NTM: variants seen among roughly 807,000 people sequenced by gnomAD.
The protein encoded by NTM is IgLON family member 2.
A neutral mutation model predicts 42.1 loss-of-function variants in NTM; 13 were observed. The observed-to-expected ratio is 0.31, with a 90% confidence interval of 0.20 to 0.49. NTM has a LOEUF of 0.49. Among genes scored for constraint, NTM ranks in the 20% least tolerant of loss-of-function variants. The probability of loss-of-function intolerance (pLI) is 0.99; values close to 1 mark genes in which losing one functional copy is unlikely to be tolerated. For missense variants in NTM, 373 were observed against 452.8 expected, an observed-to-expected ratio of 0.82 and a Z score of 1.60; for synonymous variants, 187 against 179.2, an observed-to-expected ratio of 1.04 and a Z score of -0.35.
chr11:131,447,695 A>G (rs1406859447), intron 1 of NTM, among the ~76,000 whole-genome samples: 1 of 152,134 alleles, frequency 6.6e-6, no homozygotes, highest in African/African-American at 2.4e-5. Flanking sequence ...CTGCTCTTCA[A>G]TTCTTGCTGC....
At chr11:132,251,541 A>G (rs1026090122) in intron 4 of NTM, among the ~76,000 whole-genome samples, 2 of 152,202 alleles carry the variant, frequency 1.3e-5, no homozygotes, top group Non-Finnish European at 2.9e-5. Flanking sequence ...TTATGCGATG[A>G]TGAGCCTACC....
At chr11:132,237,085 G>A (rs986991155) in intron 4 of NTM, among the ~76,000 whole-genome samples, 4 of 152,294 alleles carry the variant, frequency 2.6e-5, no homozygotes, top group Middle Eastern at 3.4e-3. Flanking sequence ...ATTCCACCCC[G>A]GATTCATGAG....
chr11:131,478,424 C>A (rs2136219831), intron 1 of NTM, among the ~76,000 whole-genome samples: 1 of 152,334 alleles, frequency 6.6e-6, no homozygotes, highest in East Asian at 1.9e-4. Flanking sequence ...GCGCATATTT[C>A]TGTCATAGTG....
chr11:131,528,012 T>C (rs2050744802), intron 1 of NTM, among the ~76,000 whole-genome samples: 1 of 152,210 alleles, frequency 6.6e-6, no homozygotes, highest in Non-Finnish European at 1.5e-5. Context: ...ATTGTGACCC[T>C]TCAAGTTTTC....
intron 1 of NTM, among the ~76,000 whole-genome samples, chr11:131,699,156 G>A (rs1383904208): frequency 6.6e-6 from 1 of 152,220 alleles, no homozygotes; most frequent in East Asian, 1.9e-4. Context: ...ATTGGACAAG[G>A]AGGGATCTAG....
chr11:132,320,688 C>T (rs567328130), intron 7 of NTM, among the ~76,000 whole-genome samples: 2 of 152,266 alleles, frequency 1.3e-5, no homozygotes, highest in Admixed American at 6.5e-5. Context: ...CTCAAGGAGG[C>T]CTGCCTGCCT....
rs1224116475 is a variant in NTM, at chr11:132,049,616, A to G, written c.168-96666A>G. Among the ~76,000 whole-genome samples the G allele has an allele frequency of 2.0e-5, 3 of 152,280 alleles. No homozygotes were observed. The East Asian group carries it at 5.8e-4, about 30-fold the overall frequency. On this transcript the variant is annotated intron_variant, in intron 2 of 8. Coordinates refer to ENST00000683400, the MANE Select transcript of NTM (RefSeq NM_001352005.2). Reference sequence around the variant, plus strand: ...TTATCAGCATGGCTGGAGATGAGATACACATTGCTCCATCACCCTCACCTG... The same window carrying G: ...TTATCAGCATGGCTGGAGATGAGATGCACATTGCTCCATCACCCTCACCTG...
chr11:132,166,821 G>A (rs2075349929), intron 3 of NTM, among the ~76,000 whole-genome samples: 1 of 152,134 alleles, frequency 6.6e-6, no homozygotes, highest in African/African-American at 2.4e-5. Flanking sequence ...ATCATTCCTA[G>A]CATTATGGCT....
intron 3 of NTM, among the ~76,000 whole-genome samples, chr11:132,178,589 C>T (rs895634555): frequency 3.9e-5 from 6 of 152,014 alleles, no homozygotes; most frequent in Non-Finnish European, 8.8e-5. Flanking sequence ...GATAGACAGC[C>T]TTTTCAAATG....
At chr11:131,692,261 A>G (rs538869625) in intron 1 of NTM, among the ~76,000 whole-genome samples, 1 of 152,274 alleles carries the variant, frequency 6.6e-6, no homozygotes, top group South Asian at 2.1e-4. Flanking sequence ...GGGCTAGTCC[A>G]TCTCCCATGC....
chr11:131,521,381 G>GTTTTT (rs2049660915), intron 1 of NTM, among the ~76,000 whole-genome samples: 2 of 103,386 alleles, frequency 1.9e-5, no homozygotes, highest in African/African-American at 3.5e-5. Flanking sequence ...CAAGGTGCCA[G>GTTTTT]TCTTTTTTTT....
chr11:131,613,339 A>G (rs527884828), intron 1 of NTM, among the ~76,000 whole-genome samples: 1 of 152,086 alleles, frequency 6.6e-6, no homozygotes, highest in African/African-American at 2.4e-5. Context: ...CCCCCGCCCA[A>G]GTTCTCTGAA....
At chr11:131,783,622 T>C (rs1652566453) in intron 1 of NTM, among the ~76,000 whole-genome samples, 1 of 151,742 alleles carries the variant, frequency 6.6e-6, no homozygotes, top group African/African-American at 2.4e-5. Flanking sequence ...TTACCTCATG[T>C]CATACACAAA....
chr11:131,423,094 C>T (rs1309947575), intron 1 of NTM, among the ~76,000 whole-genome samples: 1 of 152,204 alleles, frequency 6.6e-6, no homozygotes, highest in Admixed American at 6.5e-5. Flanking sequence ...GGCAGACTCT[C>T]AGGCCCCATC....
intron 2 of NTM, among the ~76,000 whole-genome samples, chr11:132,030,843 A>C (rs2075822562): frequency 6.6e-6 from 1 of 152,222 alleles, no homozygotes; most frequent in Admixed American, 6.5e-5. Context: ...GTGCCACAAT[A>C]GTGCTGCATA....
rs562341099 is a variant in NTM at position 131,934,799 on chromosome 11, CCT to C, written c.167+23152_167+23153del. 5.4e-3 allele frequency among the ~76,000 whole-genome samples: 823 copies of C among 152,230 alleles called. 6 individuals are homozygous for C. Among genetic ancestry groups the C allele is most frequent in the African/African-American group, 0.019 (790 of 41,536 alleles). The stretch of plus-strand genomic sequence containing the variant: ...GTGCTGGAGGGAGAGAAGAGAGACC[CCT>C]GTGTGTGCAGCAGCATAGACAATGG... On this transcript the variant is annotated intron_variant, in intron 2 of 8. Coordinates refer to ENST00000683400, the MANE Select transcript of NTM (RefSeq NM_001352005.2).
At chr11:131,998,439 C>T (rs950387795) in intron 2 of NTM, among the ~76,000 whole-genome samples, 2 of 152,206 alleles carry the variant, frequency 1.3e-5, no homozygotes, top group African/African-American at 2.4e-5. Context: ...CAAGGCTCTG[C>T]TTGGGGCCAC....
intron 1 of NTM, chr11:131,777,266 G>T (rs1413967517): frequency 6.5e-6 from 1 of 153,058 alleles, no homozygotes; most frequent in Non-Finnish European, 1.5e-5. Flanking sequence ...AATAAAGAAA[G>T]CACATACATT....
intron 4 of NTM, among the ~76,000 whole-genome samples, chr11:132,278,039 G>A (rs1253548433): frequency 3.3e-5 from 5 of 152,154 alleles, no homozygotes; most frequent in African/African-American, 4.8e-5. Context: ...CACAGTCACC[G>A]CTTAATCACT....
Sources: gnomAD v4.1 joint callset for allele counts (sites outside exome capture counted in the v4.1 genomes callset) on GRCh38, gnomAD v4.1.1 for gene constraint, MANE v1.5 for transcripts, NCBI Gene and HGNC (gene_info 2026-07-23, HGNC 2026-07-21) for gene names.